ZMAT4: variants seen among roughly 807,000 people sequenced by gnomAD.
ZMAT4 encodes the protein zinc finger matrin-type protein 4.
Under a neutral mutation model 28.7 loss-of-function variants are expected in ZMAT4, and 17 were observed. The ratio of observed to expected loss-of-function variants is 0.59; its 90% confidence interval spans 0.41 to 0.89. The LOEUF is 0.89. Ranked by LOEUF, ZMAT4 falls within the 40% of genes least tolerant of loss-of-function variation. The pLI is 0.00. For synonymous variants in ZMAT4, 117 were observed against 109.2 expected, an observed-to-expected ratio of 1.07 and a Z score of -0.44; for missense variants, 240 against 283.8, an observed-to-expected ratio of 0.85 and a Z score of 1.11.
At chr8:40,548,684 A>C (rs190871747) in intron 6 of ZMAT4, among the ~76,000 whole-genome samples, 57 of 152,252 alleles carry the variant, frequency 3.7e-4, no homozygotes, top group Admixed American at 5.9e-4. Context: ...GTGCAGATTC[A>C]CTCCACACAT....
At chr8:40,663,941 A>G (rs2599666) in intron 5 of ZMAT4, among the ~76,000 whole-genome samples, 50,889 of 152,094 alleles carry the variant, frequency 0.33, 9,616 homozygotes, top group Middle Eastern at 0.44. Context: ...AGTACATATT[A>G]TTTGACACTA....
intron 1 of ZMAT4, among the ~76,000 whole-genome samples, chr8:40,881,433 G>GAGAGAGAGAGAAAGAA: frequency 1.4e-5 from 1 of 70,316 alleles, no homozygotes; most frequent in African/African-American, 6.0e-5. Flanking sequence ...AGAAGAAAGA[G>GAGAGAGAGAGAAAGAA]AGAAAGAAAG....
chr8:40,806,543 T>C (rs543808573), intron 2 of ZMAT4, among the ~76,000 whole-genome samples: 1 of 152,218 alleles, frequency 6.6e-6, no homozygotes, highest in Non-Finnish European at 1.5e-5. Context: ...TTATTAAATA[T>C]ATTATGTATA....
intron 1 of ZMAT4, among the ~76,000 whole-genome samples, chr8:40,829,962 A>G (rs772687240): frequency 6.6e-6 from 1 of 152,114 alleles, no homozygotes; most frequent in Non-Finnish European, 1.5e-5. Context: ...AAATGCAAGG[A>G]AGAGAATCTC....
chr8:40,538,644 G>A (rs767940528), intron 6 of ZMAT4, among the ~76,000 whole-genome samples: 7 of 152,096 alleles, frequency 4.6e-5, no homozygotes, highest in African/African-American at 1.4e-4. Flanking sequence ...TACAGAACTC[G>A]AAATCTGGTT....
chr8:40,662,192 G>C (rs1482848336), intron 5 of ZMAT4, among the ~76,000 whole-genome samples: 2 of 151,856 alleles, frequency 1.3e-5, no homozygotes, highest in Non-Finnish European at 2.9e-5. Context: ...TGTTGCCCAG[G>C]TTGCTCTCGA....
chr8:40,738,008 C>A (rs190167705), intron 3 of ZMAT4, among the ~76,000 whole-genome samples: 1 of 151,018 alleles, frequency 6.6e-6, no homozygotes, highest in African/African-American at 2.4e-5. Context: ...GGGAGAGCTG[C>A]GAAAAGAGAA....
chr8:40,740,799 G>A (rs1405540266), intron 3 of ZMAT4, among the ~76,000 whole-genome samples: 1 of 152,194 alleles, frequency 6.6e-6, no homozygotes, highest in East Asian at 1.9e-4. Context: ...CTGGGGGCTG[G>A]TGTTGAAGGA....
chr8:40,723,808 C>T lies in ZMAT4; in HGVS notation c.193-26407G>A, dbSNP rs573053508. 3.9e-3 allele frequency among the ~76,000 whole-genome samples: 590 copies of T among 152,198 alleles called. 4 individuals carry two copies. The highest frequency in any genetic ancestry group is 7.9e-3 in the Admixed American group (121 of 15,286). On this transcript the variant is annotated intron_variant, in intron 3 of 6. Transcript: ENST00000297737. ...CAGGGGATAGATTTTTGCCCTTTGT[C>T]TTGGAGAAAGGTGCTGCTGGTGGAG...
intron 1 of ZMAT4, among the ~76,000 whole-genome samples, chr8:40,848,700 C>T (rs192603760): frequency 4.8e-4 from 73 of 152,122 alleles, no homozygotes; most frequent in African/African-American, 1.5e-3. Context: ...TAAAAAGTAC[C>T]CAATGGTTCT....
chr8:40,565,447 G>A (rs185145178), intron 6 of ZMAT4, among the ~76,000 whole-genome samples: 8 of 140,104 alleles, frequency 5.7e-5, no homozygotes, highest in South Asian at 4.6e-4. Context: ...GCAGTGGGGC[G>A]ATCACTGCAA....
intron 2 of ZMAT4, among the ~76,000 whole-genome samples, chr8:40,770,367 G>A (rs1464196470): frequency 1.3e-5 from 2 of 152,114 alleles, no homozygotes; most frequent in Admixed American, 6.5e-5. Flanking sequence ...AATTACGTTG[G>A]TTGACAAAGG....
chr8:40,844,175 T>A (rs1816796725), intron 1 of ZMAT4, among the ~76,000 whole-genome samples: 2 of 152,206 alleles, frequency 1.3e-5, no homozygotes, highest in African/African-American at 2.4e-5. Context: ...AAATAATAAT[T>A]TACCACATGT....
At chr8:40,836,952 T>C in intron 1 of ZMAT4, among the ~76,000 whole-genome samples, 1 of 152,140 alleles carries the variant, frequency 6.6e-6, no homozygotes, top group East Asian at 1.9e-4. Flanking sequence ...AGAAACTAGA[T>C]AGATGATGGA....
intron 4 of ZMAT4, among the ~76,000 whole-genome samples, chr8:40,675,763 C>G (rs1336240390): frequency 4.6e-5 from 7 of 152,196 alleles, no homozygotes; most frequent in Non-Finnish European, 1.0e-4. Flanking sequence ...ATTTTATTGT[C>G]AGCTGCTTCA....
chr8:40,801,384 T>G (rs1814840682), intron 2 of ZMAT4, among the ~76,000 whole-genome samples: 1 of 109,910 alleles, frequency 9.1e-6, no homozygotes, highest in South Asian at 2.8e-4. Context: ...ATATATATAT[T>G]CGGTGGGGTG....
intron 5 of ZMAT4, among the ~76,000 whole-genome samples, chr8:40,666,079 A>G (rs1219514999): frequency 6.6e-6 from 1 of 152,232 alleles, no homozygotes; most frequent in African/African-American, 2.4e-5. Context: ...TGCAAAATGA[A>G]TATTCTATCT....
At chr8:40,629,633 A>G (rs1199132946) in intron 5 of ZMAT4, among the ~76,000 whole-genome samples, 1 of 138,186 alleles carries the variant, frequency 7.2e-6, no homozygotes, top group Non-Finnish European at 1.5e-5. Flanking sequence ...TTCAGTTCCC[A>G]CCTATGAGTG....
chr8:40,724,756 T>C (rs549971914), intron 3 of ZMAT4, among the ~76,000 whole-genome samples: 80 of 152,238 alleles, frequency 5.3e-4, no homozygotes, highest in African/African-American at 1.8e-3. Context: ...GAAGGATGCA[T>C]AGGACTTGGC....
Sources: gnomAD v4.1 joint callset for allele counts (sites outside exome capture counted in the v4.1 genomes callset) on GRCh38, gnomAD v4.1.1 for gene constraint, MANE v1.5 for transcripts, NCBI Gene and HGNC (gene_info 2026-07-23, HGNC 2026-07-21) for gene names.